FCGR2A: variants seen among roughly 807,000 people sequenced by gnomAD.
FCGR2A encodes Fc gamma receptor IIa.
In FCGR2A, 18 loss-of-function variants were observed where a neutral mutation model predicts 29.3. That is an observed-to-expected ratio of 0.62 (90% CI 0.43 to 0.91). The LOEUF (loss-of-function observed/expected upper bound fraction) is 0.91. Among genes scored for constraint, FCGR2A ranks in the 40% least tolerant of loss-of-function variants. The probability of loss-of-function intolerance (pLI) is 0.00; values close to 1 mark genes in which losing one functional copy is unlikely to be tolerated. For missense variants in FCGR2A, 287 were observed against 393.0 expected, an observed-to-expected ratio of 0.73 and a Z score of 2.28; for synonymous variants, 126 against 144.8, an observed-to-expected ratio of 0.87 and a Z score of 0.93.
rs747763665 is a variant in FCGR2A at position 161,509,841 on chromosome 1, C to T, written c.386C>T (p.Pro129Leu). The change falls in exon 4 of 7, where the codon CCT becomes CTT. Residue 129 changes from proline to leucine, a missense_variant. By Grantham distance (98) the Pro-to-Leu change is moderately conservative (BLOSUM62 -3). Coordinates refer to ENST00000271450, the MANE Select transcript of FCGR2A (RefSeq NM_001136219.3). ...VLSEWLVLQT[P>L]HLEFQEGETI... is the part of the protein sequence containing the mutation. ...TCAGAATGGCTGGTGCTCCAGACCC[C>T]TCACCTGGAGTTCCAGGAGGGAGAA... 41 of 1,614,080 alleles carry T rather than the reference C, an allele frequency of 2.5e-5. No individual in the cohort carries two copies. The highest frequency in any genetic ancestry group is 3.4e-5 in the Non-Finnish European group (40 of 1,180,032).
At chr1:161,521,501 T>TTTTA (rs1553198145), downstream of FCGR2A, among the ~76,000 whole-genome samples, 1 of 150,802 alleles carries the variant, frequency 6.6e-6, no homozygotes, top group African/African-American at 2.4e-5. Context: ...TCACTGACTT[T>TTTTA]TATATATATA....
At chr1:161,516,511 A>C (rs1450552725) in intron 6 of FCGR2A, among the ~76,000 whole-genome samples, 1 of 152,024 alleles carries the variant, frequency 6.6e-6, no homozygotes, top group African/African-American at 2.4e-5. Context: ...ACTGATAAAA[A>C]GTCAGTAAAG....
downstream of FCGR2A, among the ~76,000 whole-genome samples, chr1:161,522,201 A>T (rs1256651529): frequency 6.6e-6 from 1 of 151,980 alleles, no homozygotes; most frequent in Non-Finnish European, 1.5e-5. Flanking sequence ...AACCAGAAAA[A>T]AATAAAATAA....
chr1:161,506,781 C>T, intron 3 of FCGR2A, 190 bp downstream of exon 3: 1 of 1,172,672 alleles, frequency 8.5e-7, no homozygotes, highest in Middle Eastern at 2.2e-4. Flanking sequence ...GGGGGAATTT[C>T]TAATAATTTT....
At chr1:161,516,334 T>G (rs1676142647) in intron 6 of FCGR2A, among the ~76,000 whole-genome samples, 2 of 152,236 alleles carry the variant, frequency 1.3e-5, no homozygotes, top group Non-Finnish European at 2.9e-5. Flanking sequence ...TTATTAAGTA[T>G]TTTTATTTTC....
In FCGR2A at chr1:161,510,030, G is replaced by T. The variant is rs1487822502; in HGVS notation, c.575G>T (p.Gly192Val). ...SGDYHCTGNIGYTLFSSKPVT... is the reference protein window; with the variant it reads ...SGDYHCTGNIVYTLFSSKPVT... ...GATTACCACTGCACAGGAAACATAG[G>T]CTACACGCTGTTCTCATCCAAGCCT... The change falls in exon 4 of 7, where the codon GGC (glycine) becomes GTC (valine). Residue 192 changes from glycine (G) to valine (V), a missense_variant. Gly to Val is a moderately radical substitution (Grantham distance 109). Around this residue, in one of 3 missense-constraint regions of FCGR2A, gnomAD observed 181 missense variants for 250.9 expected, o/e 0.72. Coordinates refer to ENST00000271450, the MANE Select transcript of FCGR2A (RefSeq NM_001136219.3). The T allele has an allele frequency of 6.2e-7, 1 of 1,613,930 alleles. No individual in the cohort carries two copies. The highest frequency in any genetic ancestry group is 8.5e-7 in the Non-Finnish European group (1 of 1,179,852).
chr1:161,520,727 T>C (rs1676421246), downstream of FCGR2A, among the ~76,000 whole-genome samples: 1 of 151,948 alleles, frequency 6.6e-6, no homozygotes, highest in Non-Finnish European at 1.5e-5. Context: ...TGCCATCCTA[T>C]AGTCTATTCT....
Position 161,505,988 on chromosome 1 carries a change from T to C in FCGR2A, c.87T>C (p.Ala29=). 1.2e-6 allele frequency: 2 copies of C among 1,614,136 alleles called. No homozygotes were observed. The highest frequency in any genetic ancestry group is 1.7e-6 in the Non-Finnish European group (2 of 1,179,946). ...GATCCACTCTCTTCTCTTTTACAGC[T>C]TCTGCAGACAGTCAAGCTGGTGAGT... is the stretch of plus-strand genomic sequence containing the variant. The part of the protein sequence containing the change: ...LQPLTVLLLL[A]SADSQAAAPP... The change falls in exon 2 of 7, where the codon GCT becomes GCC. Residue 29 remains alanine, a splice_region_variant and synonymous_variant. Transcript: ENST00000271450.
chr1:161,521,887 A>G (rs12022863), downstream of FCGR2A, among the ~76,000 whole-genome samples: 124 of 148,494 alleles, frequency 8.4e-4, no homozygotes, highest in Middle Eastern at 0.014. Context: ...ATGGGCTAAC[A>G]CATACAACTT....
At chr1:161,508,539 A>G (rs1186311156) in intron 3 of FCGR2A, among the ~76,000 whole-genome samples, 3 of 151,232 alleles carry the variant, frequency 2.0e-5, no homozygotes, top group Non-Finnish European at 2.9e-5. Flanking sequence ...GTGAGCCGAG[A>G]TCGCGCCATT....
At chr1:161,521,342 A>T (rs1335691782), downstream of FCGR2A, among the ~76,000 whole-genome samples, 2 of 152,022 alleles carry the variant, frequency 1.3e-5, no homozygotes, top group Non-Finnish European at 2.9e-5. Context: ...TATGTGCGGA[A>T]TGAGTAAATT....
At chr1:161,511,053 T>C (rs756859755) in intron 5 of FCGR2A, 97 bp downstream of exon 5, 8 of 1,558,836 alleles carry the variant, frequency 5.1e-6, no homozygotes, top group Non-Finnish European at 6.2e-6. Context: ...GGGCTAGATA[T>C]GCATTCCGAT....
rs972641420 is a variant in FCGR2A at position 161,505,828 on chromosome 1, A to G, written c.86-159A>G. 5.2e-6 allele frequency: 4 copies of G among 770,502 alleles called. No homozygotes were observed. In the African/African-American group the frequency reaches 6.8e-5, roughly 13 times the overall value. The allele number at this position is 770,502 out of a possible 1,614,324, so 47.7% of individuals were successfully genotyped here. ...GAAATGAGATAAAGGGGACATATGAAGTGAATACTTTTATAAAAGATCAAC... is the reference window on the plus strand; with the variant it reads ...GAAATGAGATAAAGGGGACATATGAGGTGAATACTTTTATAAAAGATCAAC... On this transcript the variant is annotated intron_variant, in intron 1 of 6. Coordinates refer to ENST00000271450, the MANE Select transcript of FCGR2A (RefSeq NM_001136219.3).
chr1:161,511,577 C>T (rs1675781018), intron 5 of FCGR2A, among the ~76,000 whole-genome samples: 1 of 152,202 alleles, frequency 6.6e-6, no homozygotes, highest in African/African-American at 2.4e-5. Context: ...GAGCTGAATT[C>T]TGCCTCTGGA....
chr1:161,513,753 A>AAG (rs1675965265), intron 5 of FCGR2A, 142 bp from the exon 6 acceptor site: 1 of 1,200,570 alleles, frequency 8.3e-7, no homozygotes, highest in African/African-American at 1.5e-5. Context: ...ATATTTACTT[A>AAG]GCCCTTGGCC....
At chr1:161,506,909 C>G (rs1675451464) in intron 3 of FCGR2A, among the ~76,000 whole-genome samples, 1 of 152,196 alleles carries the variant, frequency 6.6e-6, no homozygotes, top group Non-Finnish European at 1.5e-5. Context: ...AAACTACCCT[C>G]CTCCTGTGGC....
At chr1:161,522,983 G>T (rs1476461813), downstream of FCGR2A, 2 of 152,088 alleles carry the variant, frequency 1.3e-5, no homozygotes, top group East Asian at 3.8e-4. Flanking sequence ...GCCATCTATG[G>T]AGTAAGGGTT....
intron 6 of FCGR2A, among the ~76,000 whole-genome samples, chr1:161,514,393 G>A (rs1009206119): frequency 1.1e-4 from 16 of 150,262 alleles, no homozygotes; most frequent in Admixed American, 1.1e-3. Context: ...TTGGTTTGGT[G>A]TCACCCAATT....
rs1194111401 is a variant in FCGR2A, at chr1:161,505,988, T to G, written c.87T>G (p.Ala29=). The stretch of plus-strand genomic sequence containing the variant: ...GATCCACTCTCTTCTCTTTTACAGC[T>G]TCTGCAGACAGTCAAGCTGGTGAGT... ...LQPLTVLLLL[A]SADSQAAAPP... Residue 29 remains alanine (A), a splice_region_variant and synonymous_variant, in exon 2 of 7, where the codon GCT becomes GCG. Coordinates refer to ENST00000271450, the MANE Select transcript of FCGR2A (RefSeq NM_001136219.3). 3.1e-6 allele frequency: 5 copies of G among 1,614,018 alleles called. No homozygotes were observed. The highest frequency in any genetic ancestry group is 4.2e-6 in the Non-Finnish European group (5 of 1,179,954).
Sources: gnomAD v4.1 joint callset for allele counts (sites outside exome capture counted in the v4.1 genomes callset) on GRCh38, gnomAD v4.1.1 for gene constraint, gnomAD v4.1.1 regional missense constraint, MANE v1.5 for transcripts, NCBI Gene and HGNC (gene_info 2026-07-23, HGNC 2026-07-21) for gene names.